The following TBC1D9 variants were observed in gnomAD, a reference collection of about 807,000 sequenced individuals.
TBC1D9 encodes TBC1 domain family member 9A.
In TBC1D9, 63 loss-of-function variants were observed where a neutral mutation model predicts 132.0. The ratio of observed to expected loss-of-function variants is 0.48; its 90% CI spans 0.39 to 0.59. The LOEUF (loss-of-function observed/expected upper bound fraction) is 0.59. Ranked by LOEUF, TBC1D9 falls within the 20% of genes least tolerant of loss-of-function variation. TBC1D9 has a pLI of 0.00. For synonymous variants in TBC1D9, 610 were observed against 609.9 expected (o/e 1.00, Z 0.00); for missense variants, 1,261 against 1,592.7 (o/e 0.79, Z 3.54).
At chr4:140,686,690 T>G (rs773238043) in intron 2 of TBC1D9, among the ~76,000 whole-genome samples, 1 of 152,146 alleles carries the variant, frequency 6.6e-6, no homozygotes, top group African/African-American at 2.4e-5. Context: ...CAAGTTTGAT[T>G]AGGTGAGTGC....
chr4:140,647,919 T>TG lies in TBC1D9; in HGVS notation c.2338-8492dup, dbSNP rs112263457. Among the ~76,000 whole-genome samples, 330 of 151,280 alleles carry TG rather than the reference T, an allele frequency of 2.2e-3. 4 individuals are homozygous for TG. The East Asian group carries it at 0.026, about 12-fold the overall frequency. ...TGGGGGTCTCTCCCTCCCCCGACTT[T>TG]GGGGGGGGTCTCTCCCTCCCCCGAC... On this transcript the variant is annotated intron_variant, in intron 13 of 20. Transcript: ENST00000442267.
At chr4:140,745,528 T>C (rs1386184540) in intron 1 of TBC1D9, among the ~76,000 whole-genome samples, 1 of 152,220 alleles carries the variant, frequency 6.6e-6, no homozygotes, top group Non-Finnish European at 1.5e-5. Context: ...ACCTTTATGA[T>C]GAACCACTTC....
At chr4:140,687,342 T>TGTGTGA (rs1560885798) in intron 2 of TBC1D9, among the ~76,000 whole-genome samples, 2 of 54,526 alleles carry the variant, frequency 3.7e-5, no homozygotes, top group Non-Finnish European at 7.2e-5. Flanking sequence ...TGTGTGTGTG[T>TGTGTGA]CATATATATA....
Position 140,622,455 on chromosome 4 carries a change from C to T in TBC1D9, c.3541G>A (p.Glu1181Lys). The T allele has an allele frequency of 6.2e-7, 1 of 1,614,022 alleles. No individual in the cohort carries two copies. The highest frequency in any genetic ancestry group is 8.5e-7 in the Non-Finnish European group (1 of 1,179,884). Residue 1181 changes from glutamate (E) to lysine (K), a missense_variant, in exon 21 of 21, where the codon GAG becomes AAG. Transcript: ENST00000442267. ...AGGACCGTGTCCTCTCCGATGTCCT[C>T]GCAGTGCAGCTTGTCCTCCTCGTGG... is the stretch of plus-strand genomic sequence containing the variant. ...GSHEEDKLHC[E>K]DIGEDTVLVR...
Position 140,659,599 on chromosome 4 carries a change from G to T in TBC1D9, c.1910C>A (p.Thr637Asn), listed in dbSNP as rs1322388048. 1 of 1,594,640 alleles carries T rather than the reference G, an allele frequency of 6.3e-7. No homozygotes were observed. Among genetic ancestry groups the T allele is most frequent in the East Asian group, 2.3e-5 (1 of 44,420 alleles). Residue 637 changes from threonine (T) to asparagine (N), a missense_variant, in exon 11 of 21, where the codon ACC (threonine) becomes AAC (asparagine). Physicochemically the swap from Thr to Asn is moderately conservative, Grantham distance 65. Around this residue, in one of 3 missense-constraint regions of TBC1D9, gnomAD observed 93 missense variants for 169.2 expected, o/e 0.55. Transcript: ENST00000442267. ...CERMLPDYYN[T>N]RVVGALVDQG... Reference sequence around the variant, plus strand: ...GCATCTCCACTTACCCACAACTCTGGTGTTGTAGTAATCTGGGAGCATGCG... The same window carrying T: ...GCATCTCCACTTACCCACAACTCTGTTGTTGTAGTAATCTGGGAGCATGCG...
intron 13 of TBC1D9, chr4:140,644,478 C>G (rs187160039): frequency 1.0e-5 from 3 of 300,882 alleles, no homozygotes; most frequent in Non-Finnish European, 6.5e-6. Context: ...GCCATAGATG[C>G]TCGCAGGGCC....
intron 3 of TBC1D9, among the ~76,000 whole-genome samples, chr4:140,682,284 T>C (rs981869717): frequency 6.6e-6 from 1 of 152,092 alleles, no homozygotes; most frequent in African/African-American, 2.4e-5. Context: ...AACATAAGGA[T>C]ATTTTCCTCT....
intron 16 of TBC1D9, among the ~76,000 whole-genome samples, chr4:140,630,809 G>A (rs1736782970): frequency 6.6e-6 from 1 of 152,184 alleles, no homozygotes; most frequent in Non-Finnish European, 1.5e-5. Flanking sequence ...GGTGTCCGCT[G>A]AGTCCAGTAG....
At chr4:140,715,270 G>A (rs964135544) in intron 1 of TBC1D9, among the ~76,000 whole-genome samples, 15 of 152,088 alleles carry the variant, frequency 9.9e-5, no homozygotes, top group Non-Finnish European at 1.9e-4. Context: ...TTCTCATCAC[G>A]GCCTGAACTA....
At chr4:140,678,630 A>G (rs1737660504) in intron 5 of TBC1D9, among the ~76,000 whole-genome samples, 1 of 152,132 alleles carries the variant, frequency 6.6e-6, no homozygotes, top group Non-Finnish European at 1.5e-5. Context: ...CCCAGCTCAA[A>G]GCAGCCTCCA....
chr4:140,653,122 A>G (rs911843875), intron 13 of TBC1D9, among the ~76,000 whole-genome samples: 3 of 152,234 alleles, frequency 2.0e-5, no homozygotes, highest in African/African-American at 7.2e-5. Flanking sequence ...CACACCACTT[A>G]CACAATTCCT....
At chr4:140,709,744 G>A (rs1003850197) in intron 1 of TBC1D9, among the ~76,000 whole-genome samples, 2 of 152,140 alleles carry the variant, frequency 1.3e-5, no homozygotes, top group African/African-American at 4.8e-5. Flanking sequence ...TCTGGGGATG[G>A]TTTGAGGATG....
chr4:140,681,413 C>G (rs1053599417), intron 3 of TBC1D9, among the ~76,000 whole-genome samples: 1 of 152,114 alleles, frequency 6.6e-6, no homozygotes, highest in Non-Finnish European at 1.5e-5. Context: ...ACCCTGTTGC[C>G]GGTAGTTGTG....
chr4:140,691,399 C>A (rs115868440), intron 2 of TBC1D9, among the ~76,000 whole-genome samples: 2,149 of 152,270 alleles, frequency 0.014, 15 homozygotes, highest in Non-Finnish European at 0.022. Flanking sequence ...TAATTCAAGT[C>A]TTAGAACTTA....
At chr4:140,709,219 A>ATCTCTCTCTCTCTC (rs145661338) in intron 1 of TBC1D9, among the ~76,000 whole-genome samples, 12 of 88,160 alleles carry the variant, frequency 1.4e-4, no homozygotes, top group Non-Finnish European at 2.1e-4. Context: ...AACCAGCCTT[A>ATCTCTCTCTCTCTC]TCTCTCTCTC....
chr4:140,701,936 T>C (rs1738076613), intron 1 of TBC1D9, among the ~76,000 whole-genome samples: 1 of 152,218 alleles, frequency 6.6e-6, no homozygotes, highest in Non-Finnish European at 1.5e-5. Flanking sequence ...ATTCCTACTA[T>C]GTGCAAAACA....
chr4:140,679,245 A>C, intron 4 of TBC1D9, 42 bp from the exon 5 acceptor site: 7 of 1,583,408 alleles, frequency 4.4e-6, no homozygotes, highest in Non-Finnish European at 5.2e-6. Context: ...CTGATTCCTG[A>C]AAACGCTTTC....
intron 10 of TBC1D9, among the ~76,000 whole-genome samples, chr4:140,661,209 T>C (rs1411570617): frequency 2.0e-5 from 3 of 152,194 alleles, no homozygotes; most frequent in Non-Finnish European, 4.4e-5. Flanking sequence ...CCACCGCACC[T>C]GGCCGATATA....
intron 1 of TBC1D9, among the ~76,000 whole-genome samples, chr4:140,717,052 A>C (rs1475255002): frequency 6.6e-6 from 1 of 152,226 alleles, no homozygotes; most frequent in African/African-American, 2.4e-5. Flanking sequence ...AAATATTTTG[A>C]AACTTTTTAA....
Sources: allele counts gnomAD v4.1 joint callset (sites outside exome capture counted in the v4.1 genomes callset), GRCh38; gene constraint gnomAD v4.1.1; regional missense constraint gnomAD v4.1.1; transcripts MANE v1.5; gene names NCBI Gene and HGNC (gene_info 2026-07-23, HGNC 2026-07-21).